The following LRP1B variants were observed in gnomAD, a reference collection of about 807,000 sequenced individuals.
The protein encoded by LRP1B is low-density lipoprotein receptor-related protein 1B.
A neutral mutation model predicts 556.6 loss-of-function variants in LRP1B; 217 were observed. That is an observed-to-expected ratio of 0.39 (90% CI 0.35 to 0.44). LRP1B has a LOEUF of 0.44. Among genes scored for constraint, LRP1B ranks in the 20% least tolerant of loss-of-function variants. The probability of loss-of-function intolerance (pLI) is 1.00; values close to 1 mark genes in which losing one functional copy is unlikely to be tolerated. For synonymous variants in LRP1B, 2,047 were observed against 1,865.8 expected (o/e 1.10, Z -2.50); for missense variants, 5,053 against 5,620.8 (o/e 0.90, Z 3.23).
intron 1 of LRP1B, among the ~76,000 whole-genome samples, chr2:141,847,685 GCATT>G (rs904606623): frequency 1.3e-5 from 2 of 151,358 alleles, no homozygotes; most frequent in African/African-American, 4.8e-5. Context: ...AAATCTAAAT[GCATT>G]ATTATGTAAA....
intron 43 of LRP1B, among the ~76,000 whole-genome samples, chr2:140,550,610 A>AAC (rs1162841921): frequency 4.6e-5 from 7 of 152,002 alleles, no homozygotes; most frequent in Non-Finnish European, 1.0e-4. Flanking sequence ...CAGTCCTCCA[A>AAC]ACACACACAC....
chr2:140,950,339 A>G lies in LRP1B; in HGVS notation c.3032T>C (p.Phe1011Ser). The G allele has an allele frequency of 6.2e-7, 1 of 1,613,052 alleles. No homozygotes were observed. Among genetic ancestry groups the G allele is most frequent in the Non-Finnish European group, 8.5e-7 (1 of 1,179,520 alleles). The change falls in exon 20 of 91, where the codon TTC becomes TCC. Residue 1011 changes from phenylalanine (F) to serine (S), a missense_variant. By Grantham distance (155) the Phe-to-Ser change is radical. Transcript: ENST00000389484. The part of the protein sequence containing the change: ...GCVHSCFDNQ[F>S]RCSSGRCIPG... ...GATGCATCTGCCACTGGAACATCTG[A>G]ACTGATTATCAAAGCAAGAGTGAAC...
intron 3 of LRP1B, among the ~76,000 whole-genome samples, chr2:141,409,353 T>C (rs548209198): frequency 6.6e-6 from 1 of 152,276 alleles, no homozygotes; most frequent in African/African-American, 2.4e-5. Flanking sequence ...TTATATAATA[T>C]TTTGAGCTTT....
chr2:140,475,035 T>C (rs1687913758), intron 60 of LRP1B, 103 bp downstream of exon 60: 1 of 456,560 alleles, frequency 2.2e-6, no homozygotes, highest in East Asian at 4.6e-5. Context: ...AACCTTAAAT[T>C]AAATATGTTT....
At chr2:141,080,724 C>G (rs558745420) in intron 7 of LRP1B, among the ~76,000 whole-genome samples, 1 of 152,322 alleles carries the variant, frequency 6.6e-6, no homozygotes, top group Admixed American at 6.5e-5. Flanking sequence ...TCTGAGGAAG[C>G]TACAGTAGTA....
intron 83 of LRP1B, among the ~76,000 whole-genome samples, chr2:140,300,511 G>A (rs888791681): frequency 2.0e-5 from 3 of 152,180 alleles, no homozygotes; most frequent in Admixed American, 6.6e-5. Flanking sequence ...CATCCAGGGA[G>A]CTGGGGAGTT....
intron 15 of LRP1B, among the ~76,000 whole-genome samples, chr2:140,994,642 A>G (rs751958787): frequency 6.6e-6 from 1 of 150,794 alleles, no homozygotes; most frequent in Non-Finnish European, 1.5e-5. Context: ...CTAAAGAGTG[A>G]CTATAAGAGA....
chr2:141,716,131 GGTTC>G, intron 2 of LRP1B, among the ~76,000 whole-genome samples: 1 of 152,208 alleles, frequency 6.6e-6, no homozygotes, highest in Admixed American at 6.5e-5. Context: ...TAAAAGATGA[GGTTC>G]ACAAAGCTCT....
intron 1 of LRP1B, among the ~76,000 whole-genome samples, chr2:141,811,543 C>T (rs1023400077): frequency 2.0e-5 from 3 of 151,960 alleles, no homozygotes; most frequent in African/African-American, 7.2e-5. Flanking sequence ...CTGATACCAG[C>T]AGCATAAATT....
intron 43 of LRP1B, among the ~76,000 whole-genome samples, chr2:140,561,291 A>G (rs1680920326): frequency 6.6e-6 from 1 of 152,120 alleles, no homozygotes; most frequent in Non-Finnish European, 1.5e-5. Context: ...CCTGCCCCAT[A>G]CCGACACACA....
intron 66 of LRP1B, among the ~76,000 whole-genome samples, chr2:140,413,796 G>A (rs1339220849): frequency 6.6e-6 from 1 of 152,066 alleles, no homozygotes; most frequent in Non-Finnish European, 1.5e-5. Context: ...AGTTTGCAAG[G>A]CTGTCATCTA....
At chr2:141,362,457 C>T (rs933661041) in intron 3 of LRP1B, among the ~76,000 whole-genome samples, 3 of 152,094 alleles carry the variant, frequency 2.0e-5, no homozygotes, top group East Asian at 1.9e-4. Flanking sequence ...AGATGGACAG[C>T]GCAGAAGAAA....
chr2:141,476,695 A>G (rs1359666118), intron 3 of LRP1B, among the ~76,000 whole-genome samples: 2 of 152,212 alleles, frequency 1.3e-5, no homozygotes, highest in East Asian at 3.8e-4. Flanking sequence ...TCTAGGAAAT[A>G]TTCACAAAGC....
At chr2:141,912,641 T>C (rs1699933903) in intron 1 of LRP1B, among the ~76,000 whole-genome samples, 1 of 152,058 alleles carries the variant, frequency 6.6e-6, no homozygotes, top group Non-Finnish European at 1.5e-5. Flanking sequence ...ATATTGACTA[T>C]TTTGAGAGAA....
intron 2 of LRP1B, among the ~76,000 whole-genome samples, chr2:141,662,233 A>T (rs1309480534): frequency 6.6e-6 from 1 of 152,220 alleles, no homozygotes; most frequent in East Asian, 1.9e-4. Context: ...AAACACACTG[A>T]AGTACAAAGA....
intron 1 of LRP1B, among the ~76,000 whole-genome samples, chr2:141,867,710 G>T (rs1281118909): frequency 6.6e-6 from 1 of 152,058 alleles, no homozygotes; most frequent in Admixed American, 6.6e-5. Context: ...ATAATAGAAA[G>T]GTAAGACTTT....
chr2:141,517,026 A>AC lies in LRP1B; in HGVS notation c.206-36494_206-36493insG, dbSNP rs1248369493. 1.4e-3 allele frequency among the ~76,000 whole-genome samples: 180 copies of AC among 131,206 alleles called. 21 individuals are homozygous for AC. Among genetic ancestry groups the AC allele is most frequent in the African/African-American group, 4.6e-3 (163 of 35,332 alleles). 86.1% of individuals were successfully genotyped at this position (131,206 alleles called of 152,430 possible). On this transcript the variant is annotated intron_variant, in intron 2 of 90. Coordinates refer to ENST00000389484, the MANE Select transcript of LRP1B (RefSeq NM_018557.3). ...TCTTAAAAAAAAAAAAAAAAAAAAA[A>AC]AAAAAAGTAAATCAATGAAATAATT...
At chr2:142,016,550 C>A (rs552151834) in intron 1 of LRP1B, among the ~76,000 whole-genome samples, 12 of 151,966 alleles carry the variant, frequency 7.9e-5, no homozygotes, top group East Asian at 7.7e-4. Flanking sequence ...AAGCTGGAAA[C>A]CATCATTCTC....
chr2:141,439,077 A>C (rs1444639186), intron 3 of LRP1B, among the ~76,000 whole-genome samples: 1 of 152,142 alleles, frequency 6.6e-6, no homozygotes, highest in Non-Finnish European at 1.5e-5. Context: ...AAATTCTATA[A>C]ACCTGAAAAA....
Sources: allele counts gnomAD v4.1 joint callset (sites outside exome capture counted in the v4.1 genomes callset), GRCh38; gene constraint gnomAD v4.1.1; transcripts MANE v1.5; gene names NCBI Gene and HGNC (gene_info 2026-07-23, HGNC 2026-07-21).